The following OSBPL10 variants were observed in gnomAD, a reference collection of about 807,000 sequenced individuals.
OSBPL10 encodes oxysterol binding protein like 10.
Under a neutral mutation model 81.7 loss-of-function variants are expected in OSBPL10, and 49 were observed. That is an observed-to-expected ratio of 0.60 (90% CI 0.48 to 0.76). The LOEUF (loss-of-function observed/expected upper bound fraction) is 0.76. Among genes scored for constraint, OSBPL10 ranks in the 30% least tolerant of loss-of-function variants. The probability of loss-of-function intolerance (pLI) is 0.00; values close to 1 mark genes in which losing one functional copy is unlikely to be tolerated. For synonymous variants in OSBPL10, 419 were observed against 383.6 expected (o/e 1.09, Z -1.08); for missense variants, 923 against 987.8 (o/e 0.93, Z 0.88).
At chr3:31,686,424 A>G (rs774251338) in intron 7 of OSBPL10, among the ~76,000 whole-genome samples, 6 of 152,218 alleles carry the variant, frequency 3.9e-5, no homozygotes, top group Non-Finnish European at 7.3e-5. Flanking sequence ...TTTGAAAAGT[A>G]TGTCAGGAGA....
chr3:31,745,600 C>A (rs1697495188), intron 5 of OSBPL10, among the ~76,000 whole-genome samples: 1 of 152,146 alleles, frequency 6.6e-6, no homozygotes, highest in Non-Finnish European at 1.5e-5. Flanking sequence ...CTAGATTGAA[C>A]AAAGAACCCC....
At chr3:31,920,730 A>T (rs568702281) in intron 1 of OSBPL10, among the ~76,000 whole-genome samples, 147 of 152,312 alleles carry the variant, frequency 9.7e-4, no homozygotes, top group Admixed American at 1.9e-3. Flanking sequence ...CAGATCCCTC[A>T]TGAATGGCTT....
chr3:32,021,561 A>G (rs1699364389), intron 2 of OSBPL10, among the ~76,000 whole-genome samples: 1 of 152,138 alleles, frequency 6.6e-6, no homozygotes, highest in Admixed American at 6.5e-5. Context: ...TGTGGTTTTA[A>G]TTTATATTTC....
chr3:31,768,620 T>C (rs1698270625), intron 4 of OSBPL10, among the ~76,000 whole-genome samples: 1 of 152,158 alleles, frequency 6.6e-6, no homozygotes, highest in Admixed American at 6.5e-5. Flanking sequence ...CCTATGTTCA[T>C]GTAAATTTAG....
intron 4 of OSBPL10, among the ~76,000 whole-genome samples, chr3:31,792,040 G>A (rs1366781366): frequency 6.6e-6 from 1 of 151,996 alleles, no homozygotes; most frequent in Admixed American, 6.6e-5. Context: ...GAGCCCAGGA[G>A]TTTGAGGCTA....
chr3:31,905,498 C>T (rs886807421), intron 1 of OSBPL10, among the ~76,000 whole-genome samples: 2 of 151,706 alleles, frequency 1.3e-5, no homozygotes, highest in South Asian at 2.1e-4. Context: ...TACAGACATG[C>T]GCTACCACAC....
At chr3:31,663,999 G>A (rs753557731) in intron 11 of OSBPL10, 80 bp downstream of exon 11, 3 of 1,613,450 alleles carry the variant, frequency 1.9e-6, no homozygotes, top group Non-Finnish European at 2.5e-6. Context: ...AGTCTTGGGG[G>A]CTCAGCAAGA....
chr3:31,861,909 T>C (rs1701064329), intron 3 of OSBPL10, among the ~76,000 whole-genome samples: 1 of 152,102 alleles, frequency 6.6e-6, no homozygotes, highest in Admixed American at 6.5e-5. Context: ...AAGCCTGGAT[T>C]TTGCTGTGTC....
chr3:31,993,053 A>G (rs1388705030), intron 2 of OSBPL10, among the ~76,000 whole-genome samples: 3 of 152,174 alleles, frequency 2.0e-5, no homozygotes, highest in Admixed American at 2.0e-4. Flanking sequence ...GATATGGGTA[A>G]GGAAATGAAA....
At chr3:31,662,443 G>GA in intron 11 of OSBPL10, 2 of 1,076,162 alleles carry the variant, frequency 1.9e-6, no homozygotes, top group Non-Finnish European at 2.3e-6. Context: ...AGAGTAGCTA[G>GA]ATGAATGGCC....
intron 4 of OSBPL10, among the ~76,000 whole-genome samples, chr3:31,774,215 A>T (rs1406562417): frequency 1.3e-5 from 2 of 151,458 alleles, no homozygotes; most frequent in African/African-American, 2.4e-5. Flanking sequence ...GCTTTTCAGG[A>T]GATTCCTTTT....
At chr3:31,701,229 T>C (rs373790875) in intron 7 of OSBPL10, among the ~76,000 whole-genome samples, 5 of 152,148 alleles carry the variant, frequency 3.3e-5, no homozygotes, top group East Asian at 1.9e-4. Context: ...CGAGATGAGA[T>C]TGTGGAATCC....
chr3:31,832,443 G>T (rs1700267655), intron 3 of OSBPL10, among the ~76,000 whole-genome samples: 1 of 152,084 alleles, frequency 6.6e-6, no homozygotes, highest in African/African-American at 2.4e-5. Flanking sequence ...TTGAGAAAAG[G>T]CAAGTTAGAT....
Position 31,980,962 on chromosome 3 carries a change from C to A in OSBPL10, c.218G>T (p.Arg73Met). The change falls in exon 1 of 12, where the codon AGG becomes ATG. Residue 73 changes from arginine to methionine, a missense_variant. Arg to Met is a moderately conservative substitution (Grantham distance 91). Around this residue, in one of 3 missense-constraint regions of OSBPL10, gnomAD observed 514 missense variants for 508.0 expected, o/e 1.01. Coordinates refer to ENST00000396556, the MANE Select transcript of OSBPL10 (RefSeq NM_017784.5). ...GAGCACGCCCTCGAGCGCCGGCTCC[C>A]TCCTGCGGCCGCCTCCCCCGGACGG... ...ASPSGGGGRR[R>M]EPALEGVLSK... is the part of the protein sequence containing the mutation. 1 of 1,571,740 alleles carries A rather than the reference C, an allele frequency of 6.4e-7. No homozygotes were observed. The highest frequency in any genetic ancestry group is 8.6e-7 in the Non-Finnish European group (1 of 1,163,440).
At chr3:31,972,059 G>T (rs1388341774) in intron 1 of OSBPL10, among the ~76,000 whole-genome samples, 1 of 152,176 alleles carries the variant, frequency 6.6e-6, no homozygotes, top group Non-Finnish European at 1.5e-5. Flanking sequence ...TATGTTTGGG[G>T]GATGGTGCTG....
At position 31,918,060 on chromosome 3, in the gene OSBPL10, T is replaced by G. The variant is rs1318727257; in HGVS notation, c.282-38230A>C. 1.1e-4 allele frequency among the ~76,000 whole-genome samples: 17 copies of G among 151,972 alleles called. No individual in the cohort carries two copies. In the East Asian group the frequency reaches 1.5e-3, roughly 14 times the overall value. ...ATTTATCTACAAGTTGAGCTTAAAG[T>G]TCAAGAAATACTAGGTTTTAAAATT... On this transcript the variant is annotated intron_variant, in intron 1 of 11. Coordinates refer to ENST00000396556, the MANE Select transcript of OSBPL10 (RefSeq NM_017784.5).
At chr3:32,028,988 A>C (rs891282318) in intron 2 of OSBPL10, among the ~76,000 whole-genome samples, 27 of 145,080 alleles carry the variant, frequency 1.9e-4, no homozygotes, top group Non-Finnish European at 3.0e-4. Context: ...ACACACACAC[A>C]CCAGGAATGT....
chr3:31,745,579 G>A (rs571879749), intron 5 of OSBPL10, among the ~76,000 whole-genome samples: 1 of 152,214 alleles, frequency 6.6e-6, no homozygotes, highest in East Asian at 1.9e-4. Flanking sequence ...TGAGCCCACT[G>A]AGTGGTTGTT....
At chr3:31,815,838 T>A (rs1232851955) in intron 4 of OSBPL10, among the ~76,000 whole-genome samples, 3 of 152,136 alleles carry the variant, frequency 2.0e-5, no homozygotes, top group Non-Finnish European at 4.4e-5. Flanking sequence ...ACTCACTCAA[T>A]ATCCAAAATA....
Sources: gnomAD v4.1 joint callset for allele counts (sites outside exome capture counted in the v4.1 genomes callset) on GRCh38, gnomAD v4.1.1 for gene constraint, gnomAD v4.1.1 regional missense constraint, MANE v1.5 for transcripts, NCBI Gene and HGNC (gene_info 2026-07-23, HGNC 2026-07-21) for gene names.